Variants in LHFPL3 observed in about 807,000 individuals in gnomAD.
LHFPL3 encodes LHFPL tetraspan subfamily member 3.
Under a neutral mutation model 19.3 loss-of-function variants are expected in LHFPL3, and 5 were observed. The observed-to-expected ratio is 0.26, with a 90% CI of 0.14 to 0.54. The LOEUF is 0.54. LHFPL3 is among the 20% of genes least tolerant of loss of function. LHFPL3 has a pLI of 0.94. For synonymous variants in LHFPL3, 133 were observed against 126.2 expected (o/e 1.05, Z -0.36); for missense variants, 249 against 307.4 (o/e 0.81, Z 1.42).
rs1793418035 is a variant in LHFPL3 at position 104,717,824 on chromosome 7, A to T, written c.446-18851A>T. 2.0e-5 allele frequency among the ~76,000 whole-genome samples: 3 copies of T among 152,224 alleles called. No homozygotes were observed. In the South Asian group the frequency reaches 6.2e-4, roughly 31 times the overall value. ...TGAGTATTATTCCAAAAGAATTGAA[A>T]TCAGGGTCTCAAGGAGATATTAGTA... On this transcript the variant is annotated intron_variant, in intron 1 of 2. Coordinates refer to ENST00000424859, the MANE Select transcript of LHFPL3 (RefSeq NM_199000.3).
chr7:104,624,003 C>T (rs943787596), intron 1 of LHFPL3, among the ~76,000 whole-genome samples: 12 of 152,156 alleles, frequency 7.9e-5, no homozygotes, highest in African/African-American at 2.9e-4. Context: ...ACTGGACAAG[C>T]GACAGTGTCT....
chr7:104,693,841 C>T lies in LHFPL3; in HGVS notation c.446-42834C>T, dbSNP rs1289444937. Among the ~76,000 whole-genome samples, 3 of 150,512 alleles carry T rather than the reference C, an allele frequency of 2.0e-5. 1 individual carries two copies. The highest frequency in any genetic ancestry group is 4.9e-5 in the African/African-American group (2 of 40,822). On this transcript the variant is annotated intron_variant, in intron 1 of 2. Transcript: ENST00000424859. Reference sequence around the variant, plus strand: ...AGAGATGGGGTTTCACCATGTTAGCCAGGATGGTCTCGATCTCCTGACCTC... The same window carrying T: ...AGAGATGGGGTTTCACCATGTTAGCTAGGATGGTCTCGATCTCCTGACCTC...
At chr7:104,422,908 A>T (rs1791761673) in intron 1 of LHFPL3, among the ~76,000 whole-genome samples, 1 of 152,184 alleles carries the variant, frequency 6.6e-6, no homozygotes, top group South Asian at 2.1e-4. Context: ...ATTGGGAGAG[A>T]TATTAATACC....
chr7:104,794,666 T>A (rs1382517930), intron 2 of LHFPL3, among the ~76,000 whole-genome samples: 2 of 152,234 alleles, frequency 1.3e-5, no homozygotes, highest in Non-Finnish European at 2.9e-5. Context: ...CAGTTCAGTG[T>A]TTCAAGCAGT....
At chr7:104,353,572 G>A (rs2116394265) in intron 1 of LHFPL3, among the ~76,000 whole-genome samples, 1 of 152,352 alleles carries the variant, frequency 6.6e-6, no homozygotes, top group Middle Eastern at 3.4e-3. Flanking sequence ...GTAAGATAAA[G>A]GGTAATTCTG....
At position 104,599,793 on chromosome 7, in the gene LHFPL3, C is replaced by T. The variant is rs185815995; in HGVS notation, c.446-136882C>T. Among the ~76,000 whole-genome samples, 533 of 152,278 alleles carry T rather than the reference C, an allele frequency of 3.5e-3. 11 individuals are homozygous for T. The highest frequency in any genetic ancestry group is 0.025 in the Admixed American group (376 of 15,294). On this transcript the variant is annotated intron_variant, in intron 1 of 2. Coordinates refer to ENST00000424859, the MANE Select transcript of LHFPL3 (RefSeq NM_199000.3). Reference sequence around the variant, plus strand: ...GCAGAGGGATGCAGGTATGTGGTCTCTCTTATTTTCCCATCTAATCAACCA... The same window carrying T: ...GCAGAGGGATGCAGGTATGTGGTCTTTCTTATTTTCCCATCTAATCAACCA...
At chr7:104,658,252 G>A (rs1358717179) in intron 1 of LHFPL3, among the ~76,000 whole-genome samples, 1 of 152,098 alleles carries the variant, frequency 6.6e-6, no homozygotes, top group East Asian at 1.9e-4. Flanking sequence ...ATATCTAGGT[G>A]CATTTCTAGA....
intron 1 of LHFPL3, among the ~76,000 whole-genome samples, chr7:104,603,147 CT>C (rs1791017659): frequency 2.1e-5 from 1 of 48,442 alleles, no homozygotes; most frequent in Non-Finnish European, 5.3e-5. Context: ...CCCTTCCTTC[CT>C]TCCTTCCTTC....
At chr7:104,415,999 T>C (rs537823938) in intron 1 of LHFPL3, among the ~76,000 whole-genome samples, 3 of 152,292 alleles carry the variant, frequency 2.0e-5, no homozygotes, top group Admixed American at 6.5e-5. Context: ...TAAAAAGATA[T>C]GAAGTCCTAA....
In LHFPL3 at chr7:104,907,702, G is replaced by A. The variant is rs551378006; in HGVS notation, c.*1487G>A. On this transcript the variant is annotated 3_prime_UTR_variant, in exon 3 of 3. Transcript: ENST00000424859. Reference sequence around the variant, plus strand: ...ATGTATTCAAAATCAGAACAAATCAGTGTATATCACTAGAACATCAGATGG... The same window carrying A: ...ATGTATTCAAAATCAGAACAAATCAATGTATATCACTAGAACATCAGATGG... Among the ~76,000 whole-genome samples, 1 of 152,286 alleles carries A rather than the reference G, an allele frequency of 6.6e-6. No individual in the cohort carries two copies. Among genetic ancestry groups the A allele is most frequent in the South Asian group, 2.1e-4 (1 of 4,824 alleles).
At chr7:104,388,778 A>G (rs1040517829) in intron 1 of LHFPL3, among the ~76,000 whole-genome samples, 5 of 152,094 alleles carry the variant, frequency 3.3e-5, no homozygotes, top group African/African-American at 1.2e-4. Context: ...AAAAAACATG[A>G]TTACTTTCAT....
At chr7:104,770,818 C>T (rs998790921) in intron 2 of LHFPL3, among the ~76,000 whole-genome samples, 2 of 152,188 alleles carry the variant, frequency 1.3e-5, no homozygotes, top group African/African-American at 2.4e-5. Context: ...GTAAGTTCTC[C>T]TTCTGTGTTT....
chr7:104,736,994 G>T, intron 2 of LHFPL3, 83 bp downstream of exon 2: 1 of 1,096,466 alleles, frequency 9.1e-7, no homozygotes, highest in Non-Finnish European at 1.3e-6. Context: ...TCAAATACTA[G>T]TGCTTCCCCT....
At chr7:104,580,753 G>A (rs575983433) in intron 1 of LHFPL3, among the ~76,000 whole-genome samples, 2 of 151,988 alleles carry the variant, frequency 1.3e-5, no homozygotes, top group South Asian at 4.1e-4. Context: ...TTCCACTACA[G>A]ATTAGATTTG....
At chr7:104,612,624 G>A (rs187310143) in intron 1 of LHFPL3, among the ~76,000 whole-genome samples, 36 of 152,244 alleles carry the variant, frequency 2.4e-4, no homozygotes, top group African/African-American at 7.9e-4. Context: ...CTATAAATTT[G>A]AAAGCATAAA....
At chr7:104,355,685 T>C (rs1790259002) in intron 1 of LHFPL3, among the ~76,000 whole-genome samples, 1 of 152,186 alleles carries the variant, frequency 6.6e-6, no homozygotes, top group African/African-American at 2.4e-5. Context: ...AAATAGTTGG[T>C]TGCCCTCCAT....
intron 1 of LHFPL3, among the ~76,000 whole-genome samples, chr7:104,505,763 C>G (rs1301825537): frequency 6.6e-6 from 1 of 152,128 alleles, no homozygotes; most frequent in African/African-American, 2.4e-5. Flanking sequence ...AGTCACTGTT[C>G]CAATTACCAA....
chr7:104,370,978 A>T (rs1321247270), intron 1 of LHFPL3, among the ~76,000 whole-genome samples: 1 of 152,226 alleles, frequency 6.6e-6, no homozygotes, highest in Non-Finnish European at 1.5e-5. Flanking sequence ...GAACTTGCAC[A>T]TATGGCTCTG....
At chr7:104,511,948 T>C (rs958798031) in intron 1 of LHFPL3, among the ~76,000 whole-genome samples, 12 of 144,236 alleles carry the variant, frequency 8.3e-5, no homozygotes, top group South Asian at 4.4e-4. Context: ...CCTTTTCTTT[T>C]TTTTTTTTTT....
Sources: allele counts gnomAD v4.1 joint callset (sites outside exome capture counted in the v4.1 genomes callset), GRCh38; gene constraint gnomAD v4.1.1; transcripts MANE v1.5; gene names NCBI Gene and HGNC (gene_info 2026-07-23, HGNC 2026-07-21).